Variants in FHIP1A observed in about 807,000 individuals in gnomAD.
FHIP1A encodes FHF complex subunit HOOK-interacting protein 1A.
FHIP1A carries 61 observed loss-of-function variants against 88.6 expected under a neutral mutation model. The ratio of observed to expected loss-of-function variants is 0.69; its 90% CI spans 0.56 to 0.85. FHIP1A has a LOEUF of 0.85. Among genes scored for constraint, FHIP1A ranks in the 40% least tolerant of loss-of-function variants. The pLI, the probability that FHIP1A is intolerant of heterozygous loss-of-function variation, is 0.00. For synonymous variants in FHIP1A, 478 were observed against 496.0 expected, an observed-to-expected ratio of 0.96 and a Z score of 0.48; for missense variants, 1,154 against 1,273.5, an observed-to-expected ratio of 0.91 and a Z score of 1.43.
chr4:151,516,146 G>A lies in FHIP1A; in HGVS notation c.-123+33498G>A, dbSNP rs554568457. Among the ~76,000 whole-genome samples the A allele has an allele frequency of 1.1e-4, 17 of 152,220 alleles. 1 individual carries two copies. The highest frequency in any genetic ancestry group is 2.9e-4 in the African/African-American group (12 of 41,542). On this transcript the variant is annotated intron_variant, in intron 3 of 13. Coordinates refer to ENST00000435205, the MANE Select transcript of FHIP1A (RefSeq NM_001109977.3). ...GAACAGAGCCCTCAGAAATAACGCC[G>A]CATGTCTACAACTGTTTGATCTTTG... is the stretch of plus-strand genomic sequence containing the variant.
At chr4:151,537,899 G>A (rs906264639) in intron 3 of FHIP1A, among the ~76,000 whole-genome samples, 1 of 152,132 alleles carries the variant, frequency 6.6e-6, no homozygotes, top group Admixed American at 6.5e-5. Context: ...CTTCAGAATA[G>A]GGGCATCTGA....
intron 7 of FHIP1A, among the ~76,000 whole-genome samples, chr4:151,590,371 C>T (rs1347022782): frequency 6.6e-6 from 1 of 152,092 alleles, no homozygotes; most frequent in African/African-American, 2.4e-5. Flanking sequence ...TTATGATTAG[C>T]ACACTTTAGT....
At chr4:151,612,837 A>C (rs1202836388) in intron 7 of FHIP1A, among the ~76,000 whole-genome samples, 1 of 152,220 alleles carries the variant, frequency 6.6e-6, no homozygotes, top group Non-Finnish European at 1.5e-5. Context: ...TATTTAATGA[A>C]TCTGCACATT....
intron 4 of FHIP1A, among the ~76,000 whole-genome samples, chr4:151,571,432 G>T (rs1462575686): frequency 1.3e-5 from 2 of 152,192 alleles, no homozygotes; most frequent in Non-Finnish European, 2.9e-5. Context: ...TCATCTTGGA[G>T]GGGGTAGGGA....
At chr4:151,549,825 G>A (rs1353297512) in intron 3 of FHIP1A, among the ~76,000 whole-genome samples, 2 of 152,082 alleles carry the variant, frequency 1.3e-5, no homozygotes, top group African/African-American at 4.8e-5. Context: ...AAAAATACAT[G>A]TAGTATGGGA....
chr4:151,483,319 G>T (rs893153397), intron 3 of FHIP1A, among the ~76,000 whole-genome samples: 2 of 151,602 alleles, frequency 1.3e-5, no homozygotes, highest in African/African-American at 4.8e-5. Context: ...GGGTGGGGGG[G>T]TGTTTTGCAA....
At position 151,668,890 on chromosome 4, in the gene FHIP1A, C is replaced by T. The variant is rs1578885725; in HGVS notation, c.*6136C>T. 2.0e-5 allele frequency among the ~76,000 whole-genome samples: 3 copies of T among 151,932 alleles called. No homozygotes were observed. The highest frequency in any genetic ancestry group is 4.8e-5 in the African/African-American group (2 of 41,254). ...CTGGGGCAGAGCCAGTTTTCCAGCA[C>T]ACTTCTAACTTCTAGTCAGAGCCTC... On this transcript the variant is annotated 3_prime_UTR_variant, in exon 14 of 14. Coordinates refer to ENST00000435205, the MANE Select transcript of FHIP1A (RefSeq NM_001109977.3).
At chr4:151,596,418 G>A (rs932059557) in intron 7 of FHIP1A, among the ~76,000 whole-genome samples, 4 of 152,104 alleles carry the variant, frequency 2.6e-5, no homozygotes, top group African/African-American at 9.7e-5. Context: ...TTCCCTTTGT[G>A]GGTAGCTTGA....
intron 9 of FHIP1A, among the ~76,000 whole-genome samples, chr4:151,646,254 C>CTTT (rs1736786914): frequency 6.6e-6 from 1 of 152,180 alleles, no homozygotes. Flanking sequence ...AAGGGGAAAG[C>CTTT]ACAGGCCAGG....
chr4:151,420,309 A>G (rs540950559), intron 1 of FHIP1A, among the ~76,000 whole-genome samples: 1 of 37,506 alleles, frequency 2.7e-5, no homozygotes, highest in East Asian at 5.0e-4. Flanking sequence ...GATATCTCAT[A>G]GTGGTTTTGA....
intron 3 of FHIP1A, among the ~76,000 whole-genome samples, chr4:151,536,489 A>C (rs1732074849): frequency 6.6e-6 from 1 of 152,158 alleles, no homozygotes; most frequent in African/African-American, 2.4e-5. Flanking sequence ...CATCCCTAGC[A>C]ACCACAAATC....
At chr4:151,509,073 T>C (rs1490214868) in intron 3 of FHIP1A, among the ~76,000 whole-genome samples, 1 of 152,158 alleles carries the variant, frequency 6.6e-6, no homozygotes, top group Non-Finnish European at 1.5e-5. Context: ...GAATACTAAA[T>C]AAATATTACT....
intron 7 of FHIP1A, 98 bp from the exon 8 acceptor site, chr4:151,629,604 T>G (rs1481746795): frequency 6.6e-6 from 7 of 1,067,650 alleles, no homozygotes; most frequent in Non-Finnish European, 9.5e-6. Flanking sequence ...GTTCTTGCCT[T>G]GATGATGTCA....
intron 2 of FHIP1A, among the ~76,000 whole-genome samples, chr4:151,463,517 T>C (rs1375317982): frequency 6.6e-6 from 1 of 152,242 alleles, no homozygotes; most frequent in East Asian, 1.9e-4. Flanking sequence ...CTTTGCCCCT[T>C]GCAGATGGTT....
intron 3 of FHIP1A, among the ~76,000 whole-genome samples, chr4:151,489,398 C>T (rs971252586): frequency 6.6e-6 from 1 of 152,064 alleles, no homozygotes; most frequent in Non-Finnish European, 1.5e-5. Flanking sequence ...GAAGGAAACT[C>T]CTAGCTGAAC....
At chr4:151,571,119 G>T (rs1733587245) in intron 4 of FHIP1A, among the ~76,000 whole-genome samples, 1 of 152,176 alleles carries the variant, frequency 6.6e-6, no homozygotes, top group Admixed American at 6.5e-5. Context: ...TGGCACAATT[G>T]TACTTTCTGA....
chr4:151,662,409 C>T (rs1311169038), intron 13 of FHIP1A, 92 bp from the exon 14 acceptor site: 3 of 1,364,324 alleles, frequency 2.2e-6, no homozygotes, highest in African/African-American at 2.9e-5. Context: ...AGATACTCTC[C>T]AGCAACTCTG....
At chr4:151,521,534 G>C (rs1431269935) in intron 3 of FHIP1A, among the ~76,000 whole-genome samples, 3 of 152,162 alleles carry the variant, frequency 2.0e-5, no homozygotes, top group African/African-American at 7.2e-5. Context: ...TAGGAAGCTA[G>C]ATCTTGGTAA....
intron 2 of FHIP1A, among the ~76,000 whole-genome samples, chr4:151,474,752 G>C (rs545617706): frequency 6.6e-6 from 1 of 152,296 alleles, no homozygotes; most frequent in Admixed American, 6.5e-5. Context: ...TTTATCTTTT[G>C]GGTATACAAG....
Sources: gnomAD v4.1 joint callset for allele counts (sites outside exome capture counted in the v4.1 genomes callset) on GRCh38, gnomAD v4.1.1 for gene constraint, MANE v1.5 for transcripts, NCBI Gene and HGNC (gene_info 2026-07-23, HGNC 2026-07-21) for gene names.